The following SPATA31H1 variants were observed in gnomAD, a reference collection of about 807,000 sequenced individuals.
The protein encoded by SPATA31H1 is SPATA31 subfamily H member 1, also known as spermatogenesis-associated protein 31H1.
At chr2:27,581,088 C>A in the SPATA31H1 span, 1 of 1,614,158 alleles carries the variant, frequency 6.2e-7, no homozygotes, top group Non-Finnish European at 8.5e-7. Context: ...CTTGTCCACA[C>A]CAGGAACCAG....
chr2:27,568,669 C>T, the SPATA31H1 span: 1 of 398,964 alleles, frequency 2.5e-6, no homozygotes, highest in Non-Finnish European at 4.4e-6. Flanking sequence ...ACGGAAGATA[C>T]AAAATCTGCG....
chr2:27,577,055 A>G, the SPATA31H1 span: 1 of 1,614,166 alleles, frequency 6.2e-7, no homozygotes, highest in Non-Finnish European at 8.5e-7. This position sits in a 1 kb window ranked among gnomAD's most constrained non-coding sequence, Gnocchi z 4.5. Context: ...CAGAATCTTC[A>G]GAAATGGCAC....
the SPATA31H1 span, chr2:27,578,299 T>G: frequency 6.2e-7 from 1 of 1,614,030 alleles, no homozygotes; most frequent in Non-Finnish European, 8.5e-7. Flanking sequence ...AAACACCAGA[T>G]TTTGGAAACA....
At chr2:27,579,836 T>G in the SPATA31H1 span, 4 of 1,614,212 alleles carry the variant, frequency 2.5e-6, no homozygotes, top group Non-Finnish European at 3.4e-6. Flanking sequence ...TGCTAGAAGA[T>G]CTGCAGCTAA....
chr2:27,563,143 C>T, the SPATA31H1 span, among the ~76,000 whole-genome samples: 1 of 151,722 alleles, frequency 6.6e-6, no homozygotes, highest in Non-Finnish European at 1.5e-5. Flanking sequence ...GAGAAATGCT[C>T]CTGATATTTG....
chr2:27,565,290 A>G, the SPATA31H1 span: 2 of 713,956 alleles, frequency 2.8e-6, no homozygotes, highest in South Asian at 3.0e-5. Context: ...AAAGTCTCTA[A>G]CCTAGAACAT....
the SPATA31H1 span, chr2:27,581,298 A>C: frequency 6.2e-7 from 1 of 1,614,102 alleles, no homozygotes; most frequent in Non-Finnish European, 8.5e-7. Context: ...AAGCCAACGC[A>C]GTTCCTTGGA....
At chr2:27,560,942 T>G in the SPATA31H1 span, among the ~76,000 whole-genome samples, 1 of 152,158 alleles carries the variant, frequency 6.6e-6, no homozygotes, top group Non-Finnish European at 1.5e-5. Context: ...CCTGGAATTC[T>G]CAGTGTGAAG....
chr2:27,540,373 C>T, the SPATA31H1 span, among the ~76,000 whole-genome samples: 3 of 126,018 alleles, frequency 2.4e-5, no homozygotes, highest in African/African-American at 6.1e-5. Context: ...ACCTCCCGGA[C>T]TGGGCGGCTG....
At chr2:27,573,541 G>A in the SPATA31H1 span, 1 of 398,358 alleles carries the variant, frequency 2.5e-6, no homozygotes, top group African/African-American at 2.1e-5. Flanking sequence ...CAGTTGCCAG[G>A]GCTCAAACCT....
the SPATA31H1 span, among the ~76,000 whole-genome samples, chr2:27,556,160 C>CATTGTGTTG: frequency 6.9e-6 from 1 of 145,698 alleles, no homozygotes; most frequent in African/African-American, 2.6e-5. Context: ...AAAAAAAATT[C>CATTGTGTTG]ATTGTGTTGG....
At chr2:27,539,050 A>C in the SPATA31H1 span, among the ~76,000 whole-genome samples, 1 of 148,392 alleles carries the variant, frequency 6.7e-6, no homozygotes, top group Non-Finnish European at 1.5e-5. Flanking sequence ...GAAGGGACTG[A>C]GTCTATTTTT....
chr2:27,575,983 C>T, the SPATA31H1 span: 1 of 398,634 alleles, frequency 2.5e-6, no homozygotes, highest in East Asian at 3.6e-5. This position sits in a 1 kb window ranked among gnomAD's most constrained non-coding sequence, Gnocchi z 4.1. Flanking sequence ...AACCCTATAC[C>T]ACATTTGCAA....
chr2:27,560,153 A>G, the SPATA31H1 span, among the ~76,000 whole-genome samples: 20 of 152,236 alleles, frequency 1.3e-4, 1 homozygote, highest in South Asian at 6.2e-4. Flanking sequence ...GGCGTGAGCC[A>G]CCATGCCTGG....
At chr2:27,553,931 A>G in the SPATA31H1 span, among the ~76,000 whole-genome samples, 2 of 151,474 alleles carry the variant, frequency 1.3e-5, no homozygotes, top group African/African-American at 4.9e-5. Context: ...TCAAAAAAAA[A>G]GAAAAGAAAT....
chr2:27,582,615 A>G, the SPATA31H1 span: 1 of 1,325,940 alleles, frequency 7.5e-7, no homozygotes, highest in South Asian at 1.4e-5. Flanking sequence ...ACTGCCTCCA[A>G]TTCCTGCGCC....
the SPATA31H1 span, among the ~76,000 whole-genome samples, chr2:27,540,141 G>T: frequency 8.4e-6 from 1 of 118,410 alleles, no homozygotes; most frequent in African/African-American, 3.3e-5. Flanking sequence ...CGGGCGGGGG[G>T]CTGACCCCCC....
chr2:27,549,072 CAA>C, the SPATA31H1 span, among the ~76,000 whole-genome samples: 2,792 of 53,096 alleles, frequency 0.053, 36 homozygotes, highest in African/African-American at 0.15. Context: ...GACTCCGTCT[CAA>C]AAAAAAAAAA....
At chr2:27,557,011 G>C in the SPATA31H1 span, among the ~76,000 whole-genome samples, 1 of 24,784 alleles carries the variant, frequency 4.0e-5, no homozygotes, top group African/African-American at 1.7e-4. Flanking sequence ...ACATGTTTCA[G>C]AGAGCACAGG....
Sources: gnomAD v4.1 joint callset for allele counts (sites outside exome capture counted in the v4.1 genomes callset) on GRCh38, gnomAD v4.1.1 for gene constraint, Gnocchi (gnomAD v3.1) non-coding constraint, MANE v1.5 for transcripts, NCBI Gene and HGNC (gene_info 2026-07-23, HGNC 2026-07-21) for gene names.